ADAMTSL3: variants seen among roughly 807,000 people sequenced by gnomAD.
ADAMTSL3 encodes the protein ADAMTS-like protein 3.
Under a neutral mutation model 201.7 loss-of-function variants are expected in ADAMTSL3, and 128 were observed. The observed-to-expected ratio is 0.63, with a 90% CI of 0.55 to 0.73. The LOEUF (loss-of-function observed/expected upper bound fraction) is 0.73. Ranked by LOEUF, ADAMTSL3 falls within the 30% of genes least tolerant of loss-of-function variation. ADAMTSL3 has a pLI of 0.00. For synonymous variants in ADAMTSL3, 738 were observed against 748.4 expected, an observed-to-expected ratio of 0.99 and a Z score of 0.23; for missense variants, 1,990 against 2,119.6, an observed-to-expected ratio of 0.94 and a Z score of 1.20.
intron 7 of ADAMTSL3, among the ~76,000 whole-genome samples, chr15:83,857,426 G>A (rs371946351): frequency 6.6e-5 from 10 of 152,050 alleles, no homozygotes; most frequent in African/African-American, 2.2e-4. Context: ...TCTTCAATGT[G>A]TATATTGGCA....
intron 19 of ADAMTSL3, among the ~76,000 whole-genome samples, chr15:83,970,210 G>C (rs561376078): frequency 1.3e-5 from 2 of 151,738 alleles, no homozygotes; most frequent in African/African-American, 4.8e-5. Context: ...CCAAAAGAAA[G>C]AGTGAGATGG....
chr15:83,921,921 A>T (rs2066153149), intron 16 of ADAMTSL3, among the ~76,000 whole-genome samples: 1 of 116,118 alleles, frequency 8.6e-6, no homozygotes. Flanking sequence ...TTCTTTTTCT[A>T]AAAAAAAAGG....
At chr15:83,854,631 A>G (rs1480522160) in intron 7 of ADAMTSL3, among the ~76,000 whole-genome samples, 4 of 152,218 alleles carry the variant, frequency 2.6e-5, no homozygotes, top group African/African-American at 9.6e-5. Flanking sequence ...CTTTCACACA[A>G]TGGCTTTAGT....
At chr15:83,927,384 G>C (rs2066268706) in intron 17 of ADAMTSL3, among the ~76,000 whole-genome samples, 1 of 152,214 alleles carries the variant, frequency 6.6e-6, no homozygotes, top group South Asian at 2.1e-4. Context: ...AAAGTGCTGG[G>C]ATTACAGACG....
rs886079320 is a variant in ADAMTSL3, at chr15:83,893,736, G to A, written c.1467+848G>A. ...ATAACAAGGTTCATGTCAAATTAGC[G>A]TAGTTTTCACTTTCTAAAGAGATGA... is the stretch of plus-strand genomic sequence containing the variant. On this transcript the variant is annotated intron_variant, in intron 13 of 29. Coordinates refer to ENST00000286744, the MANE Select transcript of ADAMTSL3 (RefSeq NM_207517.3). Among the ~76,000 whole-genome samples, 11 of 152,294 alleles carry A rather than the reference G, an allele frequency of 7.2e-5. No homozygotes were observed. In the East Asian group the frequency reaches 9.6e-4, roughly 13 times the overall value.
At chr15:83,923,101 G>A (rs1041643056) in intron 16 of ADAMTSL3, among the ~76,000 whole-genome samples, 1 of 152,070 alleles carries the variant, frequency 6.6e-6, no homozygotes, top group African/African-American at 2.4e-5. Flanking sequence ...TTTTCACAAG[G>A]AGCAGTCTTG....
At chr15:83,701,823 C>T (rs2061782769) in intron 2 of ADAMTSL3, among the ~76,000 whole-genome samples, 2 of 152,118 alleles carry the variant, frequency 1.3e-5, no homozygotes, top group Non-Finnish European at 2.9e-5. Context: ...TGGACTAATT[C>T]AGTAAATTGG....
intron 3 of ADAMTSL3, among the ~76,000 whole-genome samples, chr15:83,718,747 C>T (rs1406999655): frequency 2.0e-5 from 3 of 150,710 alleles, no homozygotes; most frequent in Non-Finnish European, 4.4e-5. Flanking sequence ...GCAAAAATTG[C>T]AAAGGACTTA....
intron 9 of ADAMTSL3, among the ~76,000 whole-genome samples, chr15:83,875,500 A>C (rs931165022): frequency 1.3e-5 from 2 of 152,174 alleles, no homozygotes; most frequent in African/African-American, 4.8e-5. Context: ...CACGTAGAAC[A>C]ATCAGGATGT....
intron 6 of ADAMTSL3, among the ~76,000 whole-genome samples, chr15:83,821,363 G>A (rs1455646872): frequency 6.6e-6 from 1 of 150,432 alleles, no homozygotes; most frequent in Non-Finnish European, 1.5e-5. Flanking sequence ...AAAGGTCTCT[G>A]GTTTTCCTAG....
intron 4 of ADAMTSL3, among the ~76,000 whole-genome samples, chr15:83,801,218 C>T (rs2141852077): frequency 6.6e-6 from 1 of 152,266 alleles, no homozygotes; most frequent in Non-Finnish European, 1.5e-5. Context: ...GGAAGATGTT[C>T]TGAACCACAA....
At chr15:83,773,476 C>T in intron 3 of ADAMTSL3, 47 bp from the exon 4 acceptor site, 3 of 1,598,854 alleles carry the variant, frequency 1.9e-6, no homozygotes, top group Middle Eastern at 1.7e-4. Flanking sequence ...TTTGCCTATA[C>T]TTTATTGTGT....
At chr15:83,778,808 A>G (rs2063120844) in intron 4 of ADAMTSL3, among the ~76,000 whole-genome samples, 1 of 152,222 alleles carries the variant, frequency 6.6e-6, no homozygotes, top group African/African-American at 2.4e-5. Flanking sequence ...CCCCAATTAA[A>G]AGACACAGAG....
chr15:83,773,725 T>G, intron 4 of ADAMTSL3, 75 bp downstream of exon 4: 1 of 1,502,808 alleles, frequency 6.7e-7, no homozygotes, highest in South Asian at 1.3e-5. Context: ...GAGAGATAAC[T>G]TTATATGGCT....
intron 15 of ADAMTSL3, among the ~76,000 whole-genome samples, chr15:83,911,939 T>G (rs1356652429): frequency 6.6e-6 from 1 of 152,228 alleles, no homozygotes; most frequent in Non-Finnish European, 1.5e-5. Context: ...ACGTAATATT[T>G]CTCTCTTAAG....
chr15:83,705,039 T>C (rs929476434), intron 3 of ADAMTSL3, among the ~76,000 whole-genome samples: 4 of 151,996 alleles, frequency 2.6e-5, no homozygotes, highest in Non-Finnish European at 5.9e-5. Context: ...AAGAAGGCCT[T>C]GCTTGGCTGA....
At chr15:83,699,348 C>G (rs986206602) in intron 2 of ADAMTSL3, among the ~76,000 whole-genome samples, 6 of 152,164 alleles carry the variant, frequency 3.9e-5, no homozygotes, top group Non-Finnish European at 7.3e-5. Flanking sequence ...AATTCCTTTA[C>G]AGCCATTGCT....
At chr15:83,801,317 A>G (rs1185875553) in intron 4 of ADAMTSL3, among the ~76,000 whole-genome samples, 1 of 151,952 alleles carries the variant, frequency 6.6e-6, no homozygotes, top group Non-Finnish European at 1.5e-5. Context: ...TTTTCACTCC[A>G]AAATGTCCTT....
chr15:83,820,373 G>C (rs766955168), intron 6 of ADAMTSL3, among the ~76,000 whole-genome samples: 2 of 152,088 alleles, frequency 1.3e-5, no homozygotes, highest in Non-Finnish European at 2.9e-5. Flanking sequence ...CCACCGCGCC[G>C]GGCCATCGAT....
Sources: allele counts gnomAD v4.1 joint callset (sites outside exome capture counted in the v4.1 genomes callset), GRCh38; gene constraint gnomAD v4.1.1; transcripts MANE v1.5; gene names NCBI Gene and HGNC (gene_info 2026-07-23, HGNC 2026-07-21).